The following BLTP3A variants were observed in gnomAD, a reference collection of about 807,000 sequenced individuals.
BLTP3A encodes the protein ICBP90 binding protein 1.
the BLTP3A span, among the ~76,000 whole-genome samples, chr6:34,801,482 G>GT: frequency 5.9e-5 from 9 of 152,172 alleles, no homozygotes; most frequent in South Asian, 2.1e-4. Flanking sequence ...ACCAAGGACT[G>GT]TTTTTGGTTG....
At chr6:34,803,720 T>C in the BLTP3A span, among the ~76,000 whole-genome samples, 106 of 152,240 alleles carry the variant, frequency 7.0e-4, no homozygotes, top group African/African-American at 2.4e-3. Context: ...TTCTGTGGCA[T>C]TGGGGACAGG....
chr6:34,835,001 CTCAACA>C, the BLTP3A span: 1 of 1,140,804 alleles, frequency 8.8e-7, no homozygotes, highest in Non-Finnish European at 1.2e-6. Flanking sequence ...ATCAGTGTTG[CTCAACA>C]TCCTCTAGTA....
At chr6:34,859,351 G>A in the BLTP3A span, 1 of 1,614,136 alleles carries the variant, frequency 6.2e-7, no homozygotes, top group Non-Finnish European at 8.5e-7. Flanking sequence ...AGCTGGCAGG[G>A]AGACTGCTGT....
the BLTP3A span, chr6:34,855,683 A>G: frequency 6.2e-7 from 1 of 1,613,734 alleles, no homozygotes; most frequent in South Asian, 1.1e-5. Flanking sequence ...GCGTTTGACT[A>G]TTACCCTTTC....
At chr6:34,859,525 C>T in the BLTP3A span, 27 of 1,614,072 alleles carry the variant, frequency 1.7e-5, no homozygotes, top group African/African-American at 2.7e-5. Flanking sequence ...GGGCAGAGAT[C>T]GAATGACCTC....
the BLTP3A span, chr6:34,875,537 G>A: frequency 6.6e-6 from 1 of 152,088 alleles, no homozygotes; most frequent in African/African-American, 2.4e-5. Flanking sequence ...TTGTGGGGTG[G>A]GAGTAAAAAC....
the BLTP3A span, chr6:34,835,201 A>C: frequency 7.1e-7 from 1 of 1,399,654 alleles, no homozygotes; most frequent in Non-Finnish European, 9.8e-7. Context: ...TTGGAGATTG[A>C]AAAGCCGCTT....
At chr6:34,869,640 C>CTTTTTTTTTTTTTTTTTTTTTTT in the BLTP3A span, among the ~76,000 whole-genome samples, 2 of 81,532 alleles carry the variant, frequency 2.5e-5, 1 homozygote, top group African/African-American at 1.2e-4. Flanking sequence ...ACATACACCA[C>CTTTTTTTTTTTTTTTTTTTTTTT]TTTTTTTTTT....
chr6:34,826,535 AT>A, the BLTP3A span, among the ~76,000 whole-genome samples: 8 of 151,518 alleles, frequency 5.3e-5, no homozygotes, highest in African/African-American at 7.3e-5. Context: ...ATTTTTAAAT[AT>A]TTTGCAGAGA....
the BLTP3A span, chr6:34,856,691 C>A: frequency 6.8e-7 from 1 of 1,461,136 alleles, no homozygotes; most frequent in Non-Finnish European, 9.3e-7. Context: ...CTCTTTCCTA[C>A]ATATAACATT....
chr6:34,835,021 G>A, the BLTP3A span, among the ~76,000 whole-genome samples: 2 of 152,132 alleles, frequency 1.3e-5, no homozygotes, highest in Non-Finnish European at 2.9e-5. Flanking sequence ...TCTAGTAATA[G>A]AATGTTTCCA....
chr6:34,825,903 G>A, the BLTP3A span, among the ~76,000 whole-genome samples: 2 of 152,108 alleles, frequency 1.3e-5, no homozygotes, highest in South Asian at 4.1e-4. Context: ...GTGTGGTCAT[G>A]TGTACTTTTC....
the BLTP3A span, among the ~76,000 whole-genome samples, chr6:34,816,796 G>A: frequency 1.3e-5 from 2 of 152,014 alleles, no homozygotes; most frequent in African/African-American, 4.8e-5. Flanking sequence ...GAATCTGTGC[G>A]GTTGGACAGG....
chr6:34,795,957 G>T, the BLTP3A span, among the ~76,000 whole-genome samples: 1 of 152,112 alleles, frequency 6.6e-6, no homozygotes, highest in Non-Finnish European at 1.5e-5. Flanking sequence ...TTTTGTGTTT[G>T]TTTAGCTTGG....
chr6:34,821,773 G>C, the BLTP3A span: 1 of 1,614,160 alleles, frequency 6.2e-7, no homozygotes. Flanking sequence ...TGCCCACCTG[G>C]TTAGCCATCA....
the BLTP3A span, among the ~76,000 whole-genome samples, chr6:34,804,541 A>T: frequency 1.3e-5 from 2 of 152,140 alleles, no homozygotes; most frequent in South Asian, 4.1e-4. Flanking sequence ...AGCCGCATGA[A>T]CAATGATACT....
chr6:34,814,414 G>A, the BLTP3A span, among the ~76,000 whole-genome samples: 20 of 131,054 alleles, frequency 1.5e-4, no homozygotes, highest in African/African-American at 6.9e-4. Context: ...GCTTGAATAA[G>A]GCAGTATCCA....
At chr6:34,844,281 CTGGTT>C in the BLTP3A span, among the ~76,000 whole-genome samples, 1 of 150,502 alleles carries the variant, frequency 6.6e-6, no homozygotes, top group Admixed American at 6.6e-5. Context: ...CAAACCTGGC[CTGGTT>C]TGTTTTTGAG....
chr6:34,851,804 T>A, the BLTP3A span, among the ~76,000 whole-genome samples: 1 of 152,144 alleles, frequency 6.6e-6, no homozygotes, highest in African/African-American at 2.4e-5. Flanking sequence ...TGCTCTATTC[T>A]ACTATGGCTG....
Sources: gnomAD v4.1 joint callset for allele counts (sites outside exome capture counted in the v4.1 genomes callset) on GRCh38, gnomAD v4.1.1 for gene constraint, MANE v1.5 for transcripts, NCBI Gene and HGNC (gene_info 2026-07-23, HGNC 2026-07-21) for gene names.